Variants in HIPK2 observed in about 807,000 individuals in gnomAD.
The protein encoded by HIPK2 is homeodomain interacting protein kinase 2, also known as homeodomain-interacting protein kinase 2.
A neutral mutation model predicts 113.7 loss-of-function variants in HIPK2; 27 were observed. That is an observed-to-expected ratio of 0.24 (90% CI 0.17 to 0.33). The LOEUF (loss-of-function observed/expected upper bound fraction) is 0.33. HIPK2 is among the 10% of genes least tolerant of loss of function. The pLI is 1.00. For synonymous variants in HIPK2, 631 were observed against 642.2 expected (o/e 0.98, Z 0.26); for missense variants, 1,257 against 1,588.0 (o/e 0.79, Z 3.54).
At chr7:139,734,517 A>C (rs1487561699) in intron 1 of HIPK2, among the ~76,000 whole-genome samples, 2 of 152,178 alleles carry the variant, frequency 1.3e-5, no homozygotes, top group East Asian at 3.8e-4. Context: ...TCTGGGAAAA[A>C]TGGACTTTCC....
At chr7:139,599,993 T>C (rs1799361204) in intron 11 of HIPK2, among the ~76,000 whole-genome samples, 1 of 152,186 alleles carries the variant, frequency 6.6e-6, no homozygotes, top group Admixed American at 6.5e-5. Context: ...AGGTGTGATA[T>C]CTGATCACCC....
In HIPK2 at chr7:139,757,191, G is replaced by A. The variant is rs189123543; in HGVS notation, c.19+20414C>T. ...TTTTAATGTAAGAAAAAGGAATATT[G>A]ACCAGCACAAACCACATATCAGTCA... On this transcript the variant is annotated intron_variant, in intron 1 of 14. Transcript: ENST00000406875. 2.6e-5 allele frequency among the ~76,000 whole-genome samples: 4 copies of A among 152,308 alleles called. No individual in the cohort carries two copies. The East Asian group carries it at 7.7e-4, about 29-fold the overall frequency.
Position 139,631,574 on chromosome 7 carries a change from T to G in HIPK2, c.1227+28A>C, listed in dbSNP as rs1199096848. ...ATTTTCCAGATGAAGAATGAGGTCT[T>G]GTGAATATCTGTGTCATCTGGACCC... On this transcript the variant is annotated intron_variant, in intron 3 of 14. Transcript: ENST00000406875. The surrounding 1 kb of genome is among the most constrained non-coding windows in gnomAD (Gnocchi z 4.9). The G allele has an allele frequency of 6.2e-7, 1 of 1,606,276 alleles. No homozygotes were observed. The highest frequency in any genetic ancestry group is 8.5e-7 in the Non-Finnish European group (1 of 1,176,856).
At chr7:139,679,583 T>TG (rs145347624) in intron 2 of HIPK2, among the ~76,000 whole-genome samples, 1 of 152,166 alleles carries the variant, frequency 6.6e-6, no homozygotes, top group Non-Finnish European at 1.5e-5. Flanking sequence ...CAATACCTGA[T>TG]GGGGGGAAAA....
rs540247386 is a variant in HIPK2 at position 139,757,220 on chromosome 7, C to G, written c.19+20385G>C. Among the ~76,000 whole-genome samples the G allele has an allele frequency of 7.2e-5, 11 of 152,310 alleles. No homozygotes were observed. The East Asian group carries it at 2.1e-3, about 29-fold the overall frequency. On this transcript the variant is annotated intron_variant, in intron 1 of 14. Transcript: ENST00000406875. ...AGCACAAACCACATATCAGTCAAAA[C>G]TGCTTTTACCAGGCTTTCCCGGAGG...
intron 1 of HIPK2, among the ~76,000 whole-genome samples, chr7:139,764,800 T>G (rs1284657565): frequency 3.3e-5 from 5 of 152,126 alleles, no homozygotes; most frequent in African/African-American, 1.2e-4. Context: ...GTGGGTTAAC[T>G]CAATTTTTCA....
chr7:139,620,606 G>C, intron 6 of HIPK2, 43 bp from the exon 7 acceptor site: 1 of 1,605,746 alleles, frequency 6.2e-7, no homozygotes, highest in Non-Finnish European at 8.5e-7. Flanking sequence ...CATAAGGGGA[G>C]GGGAAGAGGG....
Position 139,563,494 on chromosome 7 carries a change from G to C in HIPK2, c.*9433C>G, listed in dbSNP as rs528524630. 1 of 180,918 alleles carries C rather than the reference G, an allele frequency of 5.5e-6. No individual in the cohort carries two copies. Among genetic ancestry groups the C allele is most frequent in the Non-Finnish European group, 1.1e-5 (1 of 87,366 alleles). The allele number at this position is 180,918 out of a possible 1,614,324, so 11.2% of individuals were successfully genotyped here. A position where few individuals can be genotyped will look rare whatever the true frequency, so the allele number is the denominator to read the frequency against. ...GTTTGGAGATTGGTTACAAGGAAGC[G>C]AGGGAGAGCAGAGGCAGAGCCCTTT... is the stretch of plus-strand genomic sequence containing the variant. On this transcript the variant is annotated 3_prime_UTR_variant, in exon 15 of 15. Transcript: ENST00000406875.
intron 5 of HIPK2, among the ~76,000 whole-genome samples, chr7:139,627,179 T>C (rs564909274): frequency 6.6e-6 from 1 of 152,332 alleles, no homozygotes; most frequent in African/African-American, 2.4e-5. Flanking sequence ...GGAGTGTTAA[T>C]ACTATTGAAC....
intron 2 of HIPK2, among the ~76,000 whole-genome samples, chr7:139,673,925 T>C (rs1467908864): frequency 7.3e-6 from 1 of 136,678 alleles, no homozygotes; most frequent in Non-Finnish European, 1.5e-5. Context: ...AAAAATTAGC[T>C]AGGCAGACTG....
At position 139,613,962 on chromosome 7, in the gene HIPK2, C is replaced by A. The variant is rs1025754090; in HGVS notation, c.1990+324G>T. On this transcript the variant is annotated intron_variant, in intron 8 of 14. Coordinates refer to ENST00000406875, the MANE Select transcript of HIPK2 (RefSeq NM_022740.5). This position sits in a 1 kb window ranked among gnomAD's most constrained non-coding sequence, Gnocchi z 4.2. ...TAACCCACACAGAGGATATTTCATGCGAGGAAAAGCAAGAGCTGACATCAG... is the reference window on the plus strand; with the variant it reads ...TAACCCACACAGAGGATATTTCATGAGAGGAAAAGCAAGAGCTGACATCAG... Among the ~76,000 whole-genome samples, 2 of 152,060 alleles carry A rather than the reference C, an allele frequency of 1.3e-5. No homozygotes were observed. The highest frequency in any genetic ancestry group is 2.9e-5 in the Non-Finnish European group (2 of 68,014).
At chr7:139,596,587 G>A in intron 12 of HIPK2, 130 bp downstream of exon 12, 1 of 1,253,682 alleles carries the variant, frequency 8.0e-7, no homozygotes, top group Non-Finnish European at 1.1e-6. Flanking sequence ...GACCACAGTA[G>A]ATGGCAAAAC....
chr7:139,594,948 C>A (rs990282866), intron 12 of HIPK2, among the ~76,000 whole-genome samples: 3 of 152,164 alleles, frequency 2.0e-5, no homozygotes, highest in Admixed American at 2.0e-4. Context: ...TTTCTGGGGG[C>A]CTTAGGGGCT....
In HIPK2 at chr7:139,597,091, C is replaced by T. The variant is rs931335952; in HGVS notation, c.2436-93G>A. On this transcript the variant is annotated intron_variant, in intron 11 of 14. Transcript: ENST00000406875. Reference sequence around the variant, plus strand: ...AATTGCCTAGAAACACCTGCTTTGCCAAATCTCTGTAAAACACGTCAGTGG... The same window carrying T: ...AATTGCCTAGAAACACCTGCTTTGCTAAATCTCTGTAAAACACGTCAGTGG... 2.3e-5 allele frequency: 32 copies of T among 1,368,174 alleles called. No individual in the cohort carries two copies. In the African/African-American group the frequency reaches 4.3e-4, roughly 19 times the overall value. 84.8% of individuals were successfully genotyped at this position (1,368,174 alleles called of 1,614,324 possible).
intron 2 of HIPK2, among the ~76,000 whole-genome samples, chr7:139,709,403 A>G (rs1357341977): frequency 6.6e-6 from 1 of 152,204 alleles, no homozygotes; most frequent in African/African-American, 2.4e-5. Flanking sequence ...AAGCTATGCA[A>G]TTTTTGAAAT....
chr7:139,693,844 A>T (rs1794486569), intron 2 of HIPK2, among the ~76,000 whole-genome samples: 2 of 152,216 alleles, frequency 1.3e-5, no homozygotes, highest in South Asian at 4.1e-4. Context: ...ACATTTCTAA[A>T]AACATGTGCA....
intron 1 of HIPK2, among the ~76,000 whole-genome samples, chr7:139,744,291 C>G (rs1796153602): frequency 6.6e-6 from 1 of 152,196 alleles, no homozygotes; most frequent in Non-Finnish European, 1.5e-5. Context: ...TCAAAAACAT[C>G]ATGCTAAGCA....
At chr7:139,725,400 AGCGGCCAGCACT>A (rs1361826187) in intron 1 of HIPK2, among the ~76,000 whole-genome samples, 1 of 152,174 alleles carries the variant, frequency 6.6e-6, no homozygotes, top group African/African-American at 2.4e-5. Context: ...TCATGGCGGG[AGCGGCCAGCACT>A]GCGGTCTCTG....
Position 139,572,708 on chromosome 7 carries a change from C to T in HIPK2, c.*219G>A, listed in dbSNP as rs1798322323. The T allele has an allele frequency of 2.0e-6, 1 of 494,722 alleles. No individual in the cohort carries two copies. Among genetic ancestry groups the T allele is most frequent in the African/African-American group, 2.0e-5 (1 of 50,770 alleles). The allele number at this position is 494,722 out of a possible 1,614,324, so 30.6% of individuals were successfully genotyped here. A position where few individuals can be genotyped will look rare whatever the true frequency, so the allele number is the denominator to read the frequency against. ...AAATGTTCTCTTCTCTGCTCTACGT[C>T]CTCCCACTTCCCGGTTCAAGTTTCA... On this transcript the variant is annotated 3_prime_UTR_variant, in exon 15 of 15. Coordinates refer to ENST00000406875, the MANE Select transcript of HIPK2 (RefSeq NM_022740.5).
Sources: gnomAD v4.1 joint callset for allele counts (sites outside exome capture counted in the v4.1 genomes callset) on GRCh38, gnomAD v4.1.1 for gene constraint, Gnocchi (gnomAD v3.1) non-coding constraint, MANE v1.5 for transcripts, NCBI Gene and HGNC (gene_info 2026-07-23, HGNC 2026-07-21) for gene names.